TNNT3: variants seen among roughly 807,000 people sequenced by gnomAD.
TNNT3 encodes the protein troponin T3, fast skeletal type.
In TNNT3, 36 loss-of-function variants were observed where a neutral mutation model predicts 54.2. The observed-to-expected ratio is 0.66, with a 90% CI of 0.51 to 0.88. The LOEUF (loss-of-function observed/expected upper bound fraction) is 0.88, where lower values mean the gene tolerates loss of function less well. Among genes scored for constraint, TNNT3 ranks in the 40% least tolerant of loss-of-function variants. The pLI is 0.00. For missense variants in TNNT3, 291 were observed against 331.6 expected (o/e 0.88, Z 0.95); for synonymous variants, 120 against 109.7 (o/e 1.09, Z -0.59).
chr11:1,922,412 CA>C lies in TNNT3; in HGVS notation c.-18-444del, dbSNP rs543445541. ...CTCCCAGGGAGACCCCACCTACACC[CA>C]CTGGGCAGAGAACACCCAGAGACAG... On this transcript the variant is annotated intron_variant, in intron 1 of 15. Transcript: ENST00000278317. 8.1e-4 allele frequency among the ~76,000 whole-genome samples: 123 copies of C among 152,308 alleles called. 4 individuals carry two copies. In the South Asian group the frequency reaches 0.025, roughly 31 times the overall value.
At chr11:1,926,462 C>A in intron 5 of TNNT3, 1 of 1,613,246 alleles carries the variant, frequency 6.2e-7, no homozygotes, top group South Asian at 1.1e-5. Flanking sequence ...CCTCCTTGGC[C>A]CGTGAAGTTC....
At chr11:1,930,898 G>A (rs898575330) in intron 8 of TNNT3, among the ~76,000 whole-genome samples, 1 of 152,104 alleles carries the variant, frequency 6.6e-6, no homozygotes, top group Admixed American at 6.5e-5. Flanking sequence ...AAAGTCAAAT[G>A]AAGAAAAAAC....
At chr11:1,930,313 C>A (rs140829025) in intron 8 of TNNT3, among the ~76,000 whole-genome samples, 190 of 152,198 alleles carry the variant, frequency 1.2e-3, no homozygotes, top group African/African-American at 4.3e-3. Context: ...TTCTAGGACT[C>A]CCAGAGTCCT....
At chr11:1,928,328 G>T (rs1009531276) in intron 6 of TNNT3, among the ~76,000 whole-genome samples, 3 of 152,142 alleles carry the variant, frequency 2.0e-5, no homozygotes, top group Non-Finnish European at 4.4e-5. Flanking sequence ...GGGTCTAGGA[G>T]CAGAGTGTAT....
intron 6 of TNNT3, among the ~76,000 whole-genome samples, chr11:1,928,247 G>A (rs1009346100): frequency 6.6e-6 from 1 of 152,210 alleles, no homozygotes; most frequent in Non-Finnish European, 1.5e-5. Context: ...CAGGATGGGC[G>A]GGTGCCACTA....
intron 4 of TNNT3, among the ~76,000 whole-genome samples, chr11:1,924,030 C>T (rs1850817704): frequency 1.3e-5 from 2 of 152,136 alleles, no homozygotes; most frequent in Admixed American, 6.5e-5. Context: ...CCGTGTCTCT[C>T]TTGGCAACTT....
intron 6 of TNNT3, among the ~76,000 whole-genome samples, chr11:1,927,238 G>T (rs757331999): frequency 6.6e-6 from 1 of 152,208 alleles, no homozygotes; most frequent in Non-Finnish European, 1.5e-5. Flanking sequence ...AACAGCCAGG[G>T]GCCATGCGTG....
At chr11:1,928,375 C>A (rs972207907) in intron 6 of TNNT3, among the ~76,000 whole-genome samples, 12 of 152,152 alleles carry the variant, frequency 7.9e-5, no homozygotes, top group African/African-American at 2.9e-4. Flanking sequence ...GTGGCCAGGG[C>A]AGGCCAGGCA....
At chr11:1,932,562 C>A (rs771098385) in intron 9 of TNNT3, 48 bp downstream of exon 9, 1 of 1,600,768 alleles carries the variant, frequency 6.2e-7, no homozygotes, top group Non-Finnish European at 8.6e-7. Flanking sequence ...TCCCCACACC[C>A]CAGCTTTTGG....
chr11:1,925,422 C>T (rs1333533617), intron 5 of TNNT3: 9 of 858,540 alleles, frequency 1.0e-5, no homozygotes, highest in Non-Finnish European at 1.7e-5. Flanking sequence ...CTAATGTAAC[C>T]CACTAACCGC....
chr11:1,931,394 A>C (rs531091689), intron 8 of TNNT3, among the ~76,000 whole-genome samples: 20 of 152,366 alleles, frequency 1.3e-4, no homozygotes, highest in African/African-American at 4.8e-4. Context: ...GCCGTCTCCT[A>C]CGTGGGATGT....
At chr11:1,924,837 G>A in intron 4 of TNNT3, 1 of 602,160 alleles carries the variant, frequency 1.7e-6, no homozygotes, top group South Asian at 2.0e-5. Flanking sequence ...AGGGTGGGAG[G>A]GGCCTCAGAA....
chr11:1,922,672 A>G, intron 1 of TNNT3, 185 bp from the exon 2 acceptor site: 2 of 644,692 alleles, frequency 3.1e-6, no homozygotes, highest in Admixed American at 2.3e-5. Flanking sequence ...GGGAGGGGCC[A>G]GGAGCCCTGG....
chr11:1,924,947 C>T (rs755392676), intron 4 of TNNT3, 152 bp from the exon 5 acceptor site: 16 of 801,556 alleles, frequency 2.0e-5, no homozygotes, highest in Admixed American at 5.9e-5. Context: ...GACTGAGCCC[C>T]ATCTTTCACC....
intron 4 of TNNT3, chr11:1,924,865 G>T: frequency 1.6e-6 from 1 of 636,588 alleles, no homozygotes; most frequent in Non-Finnish European, 2.9e-6. Flanking sequence ...CAGGGGCCGG[G>T]CCCAGCCCAG....
At chr11:1,922,775 C>T (rs1373555385) in intron 1 of TNNT3, 82 bp from the exon 2 acceptor site, 57 of 1,413,042 alleles carry the variant, frequency 4.0e-5, no homozygotes, top group Non-Finnish European at 5.5e-5. Flanking sequence ...CTCCAAGACC[C>T]CATCCCCCAT....
chr11:1,933,365 C>G lies in TNNT3; in HGVS notation c.172-356C>G, dbSNP rs558413309. Among the ~76,000 whole-genome samples, 4 of 152,296 alleles carry G rather than the reference C, an allele frequency of 2.6e-5. No homozygotes were observed. In the South Asian group the frequency reaches 8.3e-4, roughly 32 times the overall value. ...TTCACATGCCTACCTATGTATCCAACAATTTCTCTCACTCTGCAGTCTTCT... is the reference window on the plus strand; with the variant it reads ...TTCACATGCCTACCTATGTATCCAAGAATTTCTCTCACTCTGCAGTCTTCT... On this transcript the variant is annotated intron_variant, in intron 9 of 15. Coordinates refer to ENST00000278317, the MANE Select transcript of TNNT3 (RefSeq NM_006757.4).
chr11:1,936,628 G>A (rs564844155), intron 14 of TNNT3, among the ~76,000 whole-genome samples: 110 of 152,322 alleles, frequency 7.2e-4, no homozygotes, highest in African/African-American at 2.5e-3. Context: ...GGCCTCACCT[G>A]CAACCCCTCC....
At chr11:1,937,849 A>G (rs1855596241) in intron 15 of TNNT3, among the ~76,000 whole-genome samples, 1 of 152,166 alleles carries the variant, frequency 6.6e-6, no homozygotes, top group South Asian at 2.1e-4. Flanking sequence ...GCGTGTGTGC[A>G]TGTGTGCATG....
Sources: gnomAD v4.1 joint callset for allele counts (sites outside exome capture counted in the v4.1 genomes callset) on GRCh38, gnomAD v4.1.1 for gene constraint, MANE v1.5 for transcripts, NCBI Gene and HGNC (gene_info 2026-07-23, HGNC 2026-07-21) for gene names.